The following AVIL variants were observed in gnomAD, a reference collection of about 807,000 sequenced individuals.
AVIL encodes the protein advillin.
Under a neutral mutation model 109.9 loss-of-function variants are expected in AVIL, and 78 were observed. The observed-to-expected ratio is 0.71, with a 90% confidence interval of 0.59 to 0.86. AVIL has a LOEUF of 0.86. Ranked by LOEUF, AVIL falls within the 40% of genes least tolerant of loss-of-function variation. The pLI is 0.00. For synonymous variants in AVIL, 367 were observed against 379.1 expected (o/e 0.97, Z 0.37); for missense variants, 892 against 1,016.5 (o/e 0.88, Z 1.67).
chr12:57,810,540 C>T lies in AVIL; in HGVS notation c.570G>A (p.Leu190=), dbSNP rs1456248558. 1 of 1,613,584 alleles carries T rather than the reference C, an allele frequency of 6.2e-7. No individual in the cohort carries two copies. Among genetic ancestry groups the T allele is most frequent in the Admixed American group, 1.7e-5 (1 of 60,022 alleles). Residue 190 remains leucine (L), a synonymous_variant, in exon 7 of 20, where the codon CTG becomes CTA. Transcript: ENST00000549994. ...GCTCCCTGTCTCGAATATCCTTTGC[C>T]AGAAGCATAGCCTGTCAAAGAAGCC... ...NSGERLKAML[L]AKDIRDRERG...
At chr12:57,817,967 G>A (rs1379516916) in intron 1 of AVIL, among the ~76,000 whole-genome samples, 1 of 152,158 alleles carries the variant, frequency 6.6e-6, no homozygotes, top group Non-Finnish European at 1.5e-5. Flanking sequence ...CCAGTGGCCT[G>A]TAATTCTCAG....
chr12:57,813,026 A>G (rs1211640331), intron 4 of AVIL, among the ~76,000 whole-genome samples: 1 of 152,234 alleles, frequency 6.6e-6, no homozygotes, highest in African/African-American at 2.4e-5. Flanking sequence ...TCAGCAGGGC[A>G]CAAGGGCTCC....
Position 57,801,151 on chromosome 12 carries a change from A to AT in AVIL, c.2212dup (p.Ile738AsnfsTer4). 1 of 1,613,656 alleles carries AT rather than the reference A, an allele frequency of 6.2e-7. No individual in the cohort carries two copies. Among genetic ancestry groups the AT allele is most frequent in the Non-Finnish European group, 8.5e-7 (1 of 1,179,824 alleles). ...AGAGCGAACCCGACTCACAGCAGTG[A>AT]TTCGCATGATAGCAGCAGCATCTCC... On this transcript the variant is annotated frameshift_variant, in exon 18 of 20. Transcript: ENST00000549994. LOFTEE classifies it high-confidence loss of function.
At chr12:57,811,662 T>C (rs772555195) in intron 4 of AVIL, among the ~76,000 whole-genome samples, 1 of 152,238 alleles carries the variant, frequency 6.6e-6, no homozygotes, top group Non-Finnish European at 1.5e-5. Context: ...GCAGAGGGGC[T>C]CTGTCCTTGG....
Position 57,797,849 on chromosome 12 carries a change from T to C in AVIL, c.*33A>G, listed in dbSNP as rs376547664. The C allele has an allele frequency of 6.7e-7, 1 of 1,492,804 alleles. No homozygotes were observed. Among genetic ancestry groups the C allele is most frequent in the South Asian group, 1.3e-5 (1 of 79,108 alleles). 92.5% of individuals were successfully genotyped at this position (1,492,804 alleles called of 1,614,324 possible). On this transcript the variant is annotated 3_prime_UTR_variant, in exon 20 of 20. Transcript: ENST00000549994. ...GATATTGGCACTATCTGCTCTTTTC[T>C]GTGGCCTTGCAATAGGTATAGGCCT... is the stretch of plus-strand genomic sequence containing the variant.
chr12:57,817,353 G>C (rs1367044195), intron 1 of AVIL, among the ~76,000 whole-genome samples: 1 of 150,238 alleles, frequency 6.7e-6, no homozygotes, highest in African/African-American at 2.5e-5. Flanking sequence ...CAAGTTTGGA[G>C]AGCATGCGCC....
chr12:57,802,857 C>T (rs1353495041), intron 16 of AVIL: 1 of 554,798 alleles, frequency 1.8e-6, no homozygotes, highest in Non-Finnish European at 3.2e-6. Flanking sequence ...TACTCCACTG[C>T]CCTTATGTGG....
Position 57,811,134 on chromosome 12 carries a change from G to T in AVIL, c.339-7C>A. The T allele has an allele frequency of 6.2e-7, 1 of 1,613,686 alleles. No homozygotes were observed. The highest frequency in any genetic ancestry group is 1.1e-5 in the South Asian group (1 of 91,048). ...GACACCCCCCTGCTTGTAGCTAAGG[G>T]AACATCCATTCAGTTATTTGAGTGC... is the stretch of plus-strand genomic sequence containing the variant. On this transcript the variant is annotated splice_region_variant and splice_polypyrimidine_tract_variant and intron_variant, in intron 4 of 19. Coordinates refer to ENST00000549994, the MANE Select transcript of AVIL (RefSeq NM_006576.4).
intron 14 of AVIL, among the ~76,000 whole-genome samples, chr12:57,805,064 A>G (rs1048956203): frequency 4.6e-5 from 7 of 151,926 alleles, no homozygotes; most frequent in Admixed American, 4.6e-4. Context: ...AGTGCATTTT[A>G]TTTTATTTTG....
In AVIL at chr12:57,803,688, G is replaced by A. The variant is rs1794928218; in HGVS notation, c.1672-19C>T. The A allele has an allele frequency of 6.2e-7, 1 of 1,611,104 alleles. No homozygotes were observed. The highest frequency in any genetic ancestry group is 8.5e-7 in the Non-Finnish European group (1 of 1,178,186). ...TAGACCCCTGAGAGTGGGGCGAGGA[G>A]AGCACAGATGTTAGTTGCACAGGGG... On this transcript the variant is annotated intron_variant, in intron 14 of 19. Coordinates refer to ENST00000549994, the MANE Select transcript of AVIL (RefSeq NM_006576.4).
chr12:57,810,145 C>T (rs1235620860), intron 7 of AVIL, among the ~76,000 whole-genome samples: 1 of 152,156 alleles, frequency 6.6e-6, no homozygotes, highest in African/African-American at 2.4e-5. Flanking sequence ...AAGGTCTCCT[C>T]AAGAGATCAG....
In AVIL at chr12:57,803,522, AC is replaced by A; in HGVS notation, c.1817+1del. 6.2e-7 allele frequency: 1 copy of A among 1,614,112 alleles called. No homozygotes were observed. The highest frequency in any genetic ancestry group is 8.5e-7 in the Non-Finnish European group (1 of 1,179,988). On this transcript the variant is annotated splice_donor_variant, in intron 15 of 19. Transcript: ENST00000549994. LOFTEE classifies it high-confidence loss of function. ...GAAGAGGGGGAGGCTGTGTTCCCAT[AC>A]CTTTTATCATTGGCATAGGGAGTTT... is the stretch of plus-strand genomic sequence containing the variant.
At chr12:57,811,258 G>A in intron 4 of AVIL, 131 bp from the exon 5 acceptor site, 1 of 813,022 alleles carries the variant, frequency 1.2e-6, no homozygotes, top group Non-Finnish European at 1.9e-6. Flanking sequence ...ACAGATGGTG[G>A]CAGCTGCTGC....
intron 19 of AVIL, 147 bp downstream of exon 19, chr12:57,799,648 G>T (rs996220373): frequency 2.7e-5 from 29 of 1,065,672 alleles, no homozygotes; most frequent in East Asian, 7.3e-5. Context: ...AAGAACCCTG[G>T]TTTTTTTTGG....
In AVIL at chr12:57,803,239, T is replaced by TGTCTTACCTGGTCCCAG. The variant is rs1955885931; in HGVS notation, c.1953_1962+7dup. ...TCTCATGTTCTGACTTCTGCAGCTGTGTCTTACCTGGTCCCAGGTATCTAG... is the reference window on the plus strand; with the variant it reads ...TCTCATGTTCTGACTTCTGCAGCTGTGTCTTACCTGGTCCCAGGTCTTACCTGGTCCCAGGTATCTAG... On this transcript the variant is annotated splice_region_variant and intron_variant, in intron 16 of 19. Coordinates refer to ENST00000549994, the MANE Select transcript of AVIL (RefSeq NM_006576.4). 1 of 1,614,008 alleles carries TGTCTTACCTGGTCCCAG rather than the reference T, an allele frequency of 6.2e-7. No homozygotes were observed.
At position 57,801,229 on chromosome 12, in the gene AVIL, G is replaced by GA. The variant is rs750567285; in HGVS notation, c.2152-18dup. On this transcript the variant is annotated splice_polypyrimidine_tract_variant and intron_variant, in intron 17 of 19. Transcript: ENST00000549994. ...TTTTCCTGCCTGAGAAGAAGAGAGA[G>GA]AAAACACAGGATGAGGTCTTTCTTA... 6.2e-6 allele frequency: 10 copies of GA among 1,607,626 alleles called. No homozygotes were observed. The highest frequency in any genetic ancestry group is 8.5e-6 in the Non-Finnish European group (10 of 1,174,850).
At chr12:57,803,211 C>T in intron 16 of AVIL, 36 bp downstream of exon 16, 1 of 1,613,000 alleles carries the variant, frequency 6.2e-7, no homozygotes, top group Admixed American at 1.7e-5. Flanking sequence ...CTGTGGGAGT[C>T]TTTCTCATGT....
intron 4 of AVIL, among the ~76,000 whole-genome samples, chr12:57,811,921 C>T (rs914977404): frequency 6.6e-6 from 1 of 152,224 alleles, no homozygotes; most frequent in African/African-American, 2.4e-5. Flanking sequence ...CTGTCCTACT[C>T]CCATTCCTCT....
At chr12:57,800,903 C>T (rs558118175) in intron 18 of AVIL, among the ~76,000 whole-genome samples, 12 of 152,270 alleles carry the variant, frequency 7.9e-5, no homozygotes, top group Admixed American at 3.9e-4. Flanking sequence ...CCACCGCGCC[C>T]GGCCCCATTT....
Sources: allele counts gnomAD v4.1 joint callset (sites outside exome capture counted in the v4.1 genomes callset), GRCh38; gene constraint gnomAD v4.1.1; transcripts MANE v1.5; gene names NCBI Gene and HGNC (gene_info 2026-07-23, HGNC 2026-07-21).